SMYD3: variants seen among roughly 807,000 people sequenced by gnomAD.
The protein encoded by SMYD3 is histone-lysine N-methyltransferase SMYD3.
A neutral mutation model predicts 57.7 loss-of-function variants in SMYD3; 36 were observed. That is an observed-to-expected ratio of 0.62 (90% CI 0.48 to 0.82). The LOEUF is 0.82. Ranked by LOEUF, SMYD3 falls within the 40% of genes least tolerant of loss-of-function variation. The pLI, the probability that SMYD3 is intolerant of heterozygous loss-of-function variation, is 0.00. For synonymous variants in SMYD3, 211 were observed against 195.0 expected (o/e 1.08, Z -0.68); for missense variants, 515 against 538.8 (o/e 0.96, Z 0.44).
chr1:245,781,563 T>A (rs559486347), intron 10 of SMYD3, among the ~76,000 whole-genome samples: 2 of 152,288 alleles, frequency 1.3e-5, no homozygotes, highest in East Asian at 3.9e-4. Flanking sequence ...CCCATTTCCA[T>A]CCTCTCTTAT....
At chr1:246,301,865 T>C (rs1283308167) in intron 5 of SMYD3, among the ~76,000 whole-genome samples, 2 of 152,094 alleles carry the variant, frequency 1.3e-5, no homozygotes, top group African/African-American at 4.8e-5. Flanking sequence ...ATAATCCGTA[T>C]TAGAGAAGTT....
At chr1:245,868,389 C>T (rs1470808450) in intron 8 of SMYD3, among the ~76,000 whole-genome samples, 2 of 152,162 alleles carry the variant, frequency 1.3e-5, no homozygotes, top group Admixed American at 1.3e-4. Flanking sequence ...TTCAAAATAT[C>T]TTCACCCTTG....
chr1:246,092,831 G>A (rs1223881847), intron 5 of SMYD3, among the ~76,000 whole-genome samples: 1 of 151,794 alleles, frequency 6.6e-6, no homozygotes, highest in Non-Finnish European at 1.5e-5. Flanking sequence ...CAGAATGGGA[G>A]AAGATATTTG....
At chr1:245,966,650 T>A (rs371627677) in intron 5 of SMYD3, among the ~76,000 whole-genome samples, 1 of 152,158 alleles carries the variant, frequency 6.6e-6, no homozygotes, top group Non-Finnish European at 1.5e-5. Context: ...ATGGAGAATA[T>A]CAACCAGAGT....
At position 245,750,222 on chromosome 1, in the gene SMYD3, A is replaced by C. The variant is rs148601979; in HGVS notation, c.1186-558T>G. On this transcript the variant is annotated intron_variant, in intron 11 of 11. Transcript: ENST00000490107. Reference sequence around the variant, plus strand: ...TTTCTGAAATCTGTGTGGGCTTATGAGTACTTCAATAATAGAGTATAATAG... The same window carrying C: ...TTTCTGAAATCTGTGTGGGCTTATGCGTACTTCAATAATAGAGTATAATAG... 1.6e-4 allele frequency among the ~76,000 whole-genome samples: 24 copies of C among 152,300 alleles called. No homozygotes were observed. The East Asian group carries it at 4.0e-3, about 26-fold the overall frequency.
At chr1:246,051,618 A>C (rs1572947255) in intron 5 of SMYD3, among the ~76,000 whole-genome samples, 1 of 151,576 alleles carries the variant, frequency 6.6e-6, no homozygotes, top group African/African-American at 2.4e-5. Context: ...TAGCAATTAA[A>C]CTGTAGGCCA....
intron 1 of SMYD3, among the ~76,000 whole-genome samples, chr1:246,368,750 A>G (rs1483591092): frequency 6.6e-6 from 1 of 152,170 alleles, no homozygotes; most frequent in Non-Finnish European, 1.5e-5. Flanking sequence ...CTAGAATCAA[A>G]GCAGGCAGGA....
chr1:246,020,695 A>G (rs1417186760), intron 5 of SMYD3, among the ~76,000 whole-genome samples: 4 of 152,212 alleles, frequency 2.6e-5, no homozygotes, highest in African/African-American at 4.8e-5. Flanking sequence ...TAAGCTACAA[A>G]GTAGATACTC....
intron 5 of SMYD3, among the ~76,000 whole-genome samples, chr1:246,119,275 G>A (rs2061387874): frequency 6.6e-6 from 1 of 152,052 alleles, no homozygotes; most frequent in African/African-American, 2.4e-5. Context: ...TGGGATTACA[G>A]GCATGAGCCA....
At chr1:246,289,821 TG>T (rs2148591099) in intron 5 of SMYD3, among the ~76,000 whole-genome samples, 1 of 152,266 alleles carries the variant, frequency 6.6e-6, no homozygotes, top group South Asian at 2.1e-4. Flanking sequence ...CCCGGGTAAG[TG>T]GATACACAGA....
At chr1:245,791,258 GA>G (rs892338288) in intron 10 of SMYD3, among the ~76,000 whole-genome samples, 3 of 152,184 alleles carry the variant, frequency 2.0e-5, no homozygotes, top group African/African-American at 7.2e-5. Flanking sequence ...TCAGTTGGGG[GA>G]AAGAGAGCCT....
At chr1:245,943,599 T>A (rs554744134) in intron 5 of SMYD3, among the ~76,000 whole-genome samples, 9 of 152,076 alleles carry the variant, frequency 5.9e-5, no homozygotes, top group Non-Finnish European at 1.0e-4. Context: ...TCCAAACAAT[T>A]GAAAAAGAGG....
intron 5 of SMYD3, among the ~76,000 whole-genome samples, chr1:246,185,287 G>A (rs2062614266): frequency 6.6e-6 from 1 of 152,038 alleles, no homozygotes; most frequent in Non-Finnish European, 1.5e-5. Flanking sequence ...CCCCAGGCTG[G>A]AGTGCAGTGG....
chr1:246,378,232 G>C (rs574897965), intron 1 of SMYD3, among the ~76,000 whole-genome samples: 1 of 152,096 alleles, frequency 6.6e-6, no homozygotes, highest in South Asian at 2.1e-4. Context: ...CTAGTGCCAC[G>C]TGGCCTGGAA....
chr1:246,248,488 T>C (rs993502659), intron 5 of SMYD3, among the ~76,000 whole-genome samples: 5 of 152,118 alleles, frequency 3.3e-5, no homozygotes, highest in African/African-American at 1.2e-4. Context: ...CCGGTCAGTA[T>C]GTAAGTAGCT....
At chr1:245,796,116 A>T (rs1008178185) in intron 10 of SMYD3, among the ~76,000 whole-genome samples, 1 of 152,152 alleles carries the variant, frequency 6.6e-6, no homozygotes, top group Non-Finnish European at 1.5e-5. Context: ...AAGGTCAAGG[A>T]TATGTACAGG....
chr1:245,785,671 G>C (rs1403014374), intron 10 of SMYD3, among the ~76,000 whole-genome samples: 3 of 151,972 alleles, frequency 2.0e-5, no homozygotes, highest in African/African-American at 7.3e-5. Flanking sequence ...GTGCGTGAGA[G>C]AGTGAGAAAG....
chr1:245,888,190 T>C (rs2148573126), intron 8 of SMYD3, among the ~76,000 whole-genome samples: 1 of 152,342 alleles, frequency 6.6e-6, no homozygotes, highest in South Asian at 2.1e-4. Flanking sequence ...CACTGGCCAA[T>C]GTCAGTCTAG....
At chr1:245,937,140 A>T (rs1174816462) in intron 5 of SMYD3, among the ~76,000 whole-genome samples, 1 of 152,206 alleles carries the variant, frequency 6.6e-6, no homozygotes, top group Non-Finnish European at 1.5e-5. Flanking sequence ...TGTCTGTCCC[A>T]TTTCAAGCTC....
Sources: allele counts gnomAD v4.1 joint callset (sites outside exome capture counted in the v4.1 genomes callset), GRCh38; gene constraint gnomAD v4.1.1; transcripts MANE v1.5; gene names NCBI Gene and HGNC (gene_info 2026-07-23, HGNC 2026-07-21).